The following TIAM2 variants were observed in gnomAD, a reference collection of about 807,000 sequenced individuals.
The protein encoded by TIAM2 is rho guanine nucleotide exchange factor TIAM2.
In TIAM2, 80 loss-of-function variants were observed where a neutral mutation model predicts 152.9. That is an observed-to-expected ratio of 0.52 (90% CI 0.44 to 0.63). The LOEUF is 0.63. Ranked by LOEUF, TIAM2 falls within the 30% of genes least tolerant of loss-of-function variation. TIAM2 has a pLI of 0.00. For missense variants in TIAM2, 1,965 were observed against 2,120.1 expected (o/e 0.93, Z 1.44); for synonymous variants, 804 against 838.0 (o/e 0.96, Z 0.70).
intron 14 of TIAM2, among the ~76,000 whole-genome samples, chr6:155,185,815 C>T (rs1034007345): frequency 6.6e-6 from 1 of 152,138 alleles, no homozygotes; most frequent in Admixed American, 6.6e-5. Context: ...TCCCAGGCAG[C>T]GCCCCGCCCA....
At chr6:155,177,115 A>G (rs557219442) in intron 10 of TIAM2, 138 bp downstream of exon 10, 1 of 759,290 alleles carries the variant, frequency 1.3e-6, no homozygotes, top group African/African-American at 1.8e-5. Flanking sequence ...TTATTAGTTA[A>G]TATATTTATT....
Position 155,256,288 on chromosome 6 carries a change from A to C in TIAM2, c.4469-196A>C, listed in dbSNP as rs1202952574. 1.1e-4 allele frequency: 83 copies of C among 744,782 alleles called. No homozygotes were observed. In the East Asian group the frequency reaches 2.2e-3, roughly 20 times the overall value. The allele number at this position is 744,782 out of a possible 1,614,324, so 46.1% of individuals were successfully genotyped here. ...CTAAAAATGCTGAATTGCCTAACTT[A>C]CAACTGTAAACCTAAGTCAAAAATG... On this transcript the variant is annotated intron_variant, in intron 26 of 26. Transcript: ENST00000682666.
intron 1 of TIAM2, among the ~76,000 whole-genome samples, chr6:155,003,927 A>G (rs1247440978): frequency 6.6e-6 from 1 of 152,206 alleles, no homozygotes; most frequent in Non-Finnish European, 1.5e-5. Flanking sequence ...GGTTGCAGTG[A>G]GCCAAGATTG....
In TIAM2 at chr6:155,203,048, CAAAA is replaced by C. The variant is rs59836931; in HGVS notation, c.3065-8137_3065-8134del. 2.0e-3 allele frequency among the ~76,000 whole-genome samples: 155 copies of C among 78,872 alleles called. 1 individual carries two copies. Among genetic ancestry groups the C allele is most frequent in the Admixed American group, 5.0e-3 (30 of 6,056 alleles). The allele number at this position is 78,872 out of a possible 152,430, so 51.7% of individuals were successfully genotyped here. On this transcript the variant is annotated intron_variant, in intron 14 of 26. Coordinates refer to ENST00000682666, the MANE Select transcript of TIAM2 (RefSeq NM_012454.4). ...TGGGTGACAGAGCAAAACTCTGTCT[CAAAA>C]AAAAAAAAAAAAAAAAAAGAGAAAG...
intron 2 of TIAM2, among the ~76,000 whole-genome samples, chr6:155,098,516 A>G (rs1270090280): frequency 1.3e-5 from 2 of 152,104 alleles, no homozygotes; most frequent in Non-Finnish European, 2.9e-5. Context: ...CTGATTTTGT[A>G]TGTTTATTTT....
chr6:155,056,121 C>T (rs1777444775), intron 1 of TIAM2, among the ~76,000 whole-genome samples: 2 of 145,740 alleles, frequency 1.4e-5, no homozygotes, highest in Non-Finnish European at 1.5e-5. Context: ...TCTGTATGCT[C>T]TATGATGCTG....
At chr6:155,165,702 C>T (rs1229309719) in intron 9 of TIAM2, among the ~76,000 whole-genome samples, 1 of 152,088 alleles carries the variant, frequency 6.6e-6, no homozygotes, top group Non-Finnish European at 1.5e-5. Flanking sequence ...TTGGGAAGAT[C>T]GCTTGAGCCC....
At chr6:155,130,735 G>A (rs1263089457) in intron 4 of TIAM2, among the ~76,000 whole-genome samples, 1 of 152,188 alleles carries the variant, frequency 6.6e-6, no homozygotes, top group South Asian at 2.1e-4. Context: ...GGAAGTCAGA[G>A]GTCAGAGTGC....
intron 2 of TIAM2, among the ~76,000 whole-genome samples, chr6:155,116,039 G>A (rs1311843400): frequency 1.3e-5 from 2 of 152,180 alleles, no homozygotes; most frequent in Non-Finnish European, 2.9e-5. Context: ...GCAGGCAGAG[G>A]TTGCAGTGAG....
chr6:155,161,510 T>C (rs1780268512), intron 7 of TIAM2, among the ~76,000 whole-genome samples: 1 of 152,156 alleles, frequency 6.6e-6, no homozygotes, highest in African/African-American at 2.4e-5. Context: ...ATACAAGAGA[T>C]TGTCTTCTTC....
chr6:155,230,270 T>C (rs996537695), intron 15 of TIAM2, among the ~76,000 whole-genome samples: 2 of 152,202 alleles, frequency 1.3e-5, no homozygotes, highest in African/African-American at 4.8e-5. Flanking sequence ...CCACAGTTCC[T>C]AACTCGCACC....
chr6:155,103,548 A>AC (rs1778594793), intron 2 of TIAM2, among the ~76,000 whole-genome samples: 1 of 151,916 alleles, frequency 6.6e-6, no homozygotes, highest in South Asian at 2.1e-4. Context: ...ACATGGTGAA[A>AC]CCCTGTCTCT....
chr6:155,216,540 AC>A (rs1453081667), intron 15 of TIAM2: 1 of 152,380 alleles, frequency 6.6e-6, no homozygotes, highest in Non-Finnish European at 1.5e-5. Flanking sequence ...TCTTTGTGTG[AC>A]CCTGTCAGCC....
intron 14 of TIAM2, among the ~76,000 whole-genome samples, chr6:155,194,167 G>A (rs535472243): frequency 3.3e-5 from 5 of 152,198 alleles, no homozygotes; most frequent in African/African-American, 4.8e-5. Context: ...GGCATAGAGC[G>A]TTCCAGGCGC....
intron 15 of TIAM2, among the ~76,000 whole-genome samples, chr6:155,229,993 A>G (rs1267559109): frequency 6.6e-6 from 1 of 151,936 alleles, no homozygotes; most frequent in African/African-American, 2.4e-5. Flanking sequence ...GGTCCCTCCC[A>G]TGACACATGG....
At chr6:155,107,804 G>A (rs2115002014) in intron 2 of TIAM2, among the ~76,000 whole-genome samples, 1 of 152,310 alleles carries the variant, frequency 6.6e-6, no homozygotes, top group South Asian at 2.1e-4. Context: ...GTCCATTAGA[G>A]GCTGCTCATT....
chr6:155,067,088 A>T lies in TIAM2; in HGVS notation c.-208-23201A>T, dbSNP rs1356452575. Among the ~76,000 whole-genome samples, 6 of 152,260 alleles carry T rather than the reference A, an allele frequency of 3.9e-5. 1 individual carries two copies. Among genetic ancestry groups the T allele is most frequent in the Admixed American group, 3.9e-4 (6 of 15,294 alleles). The stretch of plus-strand genomic sequence containing the variant: ...AGTCTTCCCAGCCTGCTGGATTTGC[A>T]GGGTTACATTAAAGACCTTGAAGAG... On this transcript the variant is annotated intron_variant, in intron 1 of 26. Transcript: ENST00000682666.
intron 1 of TIAM2, among the ~76,000 whole-genome samples, chr6:155,028,727 A>G (rs1447246594): frequency 2.2e-5 from 3 of 133,466 alleles, no homozygotes; most frequent in Admixed American, 8.0e-5. Context: ...TACATATAAT[A>G]TATATACTGT....
chr6:155,063,772 A>G (rs1019096332), intron 1 of TIAM2, among the ~76,000 whole-genome samples: 1 of 106,272 alleles, frequency 9.4e-6, no homozygotes, highest in African/African-American at 4.2e-5. Flanking sequence ...ACAGAGTGAG[A>G]CTCTGTCTCA....
Sources: gnomAD v4.1 joint callset for allele counts (sites outside exome capture counted in the v4.1 genomes callset) on GRCh38, gnomAD v4.1.1 for gene constraint, MANE v1.5 for transcripts, NCBI Gene and HGNC (gene_info 2026-07-23, HGNC 2026-07-21) for gene names.